Variants in EEFSEC observed in about 807,000 individuals in gnomAD.
The protein encoded by EEFSEC is eukaryotic elongation factor, selenocysteine-tRNA specific.
Under a neutral mutation model 42.1 loss-of-function variants are expected in EEFSEC, and 43 were observed. The observed-to-expected ratio is 1.02, with a 90% CI of 0.80 to 1.32. The LOEUF (loss-of-function observed/expected upper bound fraction) is 1.32, where lower values mean the gene tolerates loss of function less well. Among genes scored for constraint, EEFSEC ranks in the 40% most tolerant of loss-of-function variants. The pLI, the probability that EEFSEC is intolerant of heterozygous loss-of-function variation, is 0.00. For missense variants in EEFSEC, 745 were observed against 803.6 expected (o/e 0.93, Z 0.88); for synonymous variants, 354 against 339.1 (o/e 1.04, Z -0.48).
rs1414187311 is a variant in EEFSEC, at chr3:128,307,055, A to G, written c.787-34178A>G. On this transcript the variant is annotated intron_variant, in intron 4 of 6. Coordinates refer to ENST00000254730, the MANE Select transcript of EEFSEC (RefSeq NM_021937.5). ...CCAGACTGCAGGGGGCTCAAGGGTC[A>G]GGCTAGCAGTCTTCTCACCAGTACG... 2.6e-5 allele frequency among the ~76,000 whole-genome samples: 4 copies of G among 152,256 alleles called. No individual in the cohort carries two copies. The East Asian group carries it at 7.7e-4, about 29-fold the overall frequency.
chr3:128,324,934 A>G (rs1399865862), intron 4 of EEFSEC, among the ~76,000 whole-genome samples: 1 of 152,208 alleles, frequency 6.6e-6, no homozygotes, highest in Non-Finnish European at 1.5e-5. Context: ...CAGACCTCAA[A>G]CTCAAGGCTG....
Position 128,394,890 on chromosome 3 carries a change from G to A in EEFSEC, c.1601-13179G>A, listed in dbSNP as rs1042066889. On this transcript the variant is annotated intron_variant, in intron 6 of 6. Transcript: ENST00000254730. ...TGTGGTCAGAAGGGCATCCTGGCCC[G>A]GCCTCTGCACCCTTGGTTGAAGCAA... Among the ~76,000 whole-genome samples the A allele has an allele frequency of 3.3e-5, 5 of 152,190 alleles. 1 individual carries two copies. The highest frequency in any genetic ancestry group is 4.1e-4 in the South Asian group (2 of 4,824).
intron 6 of EEFSEC, among the ~76,000 whole-genome samples, chr3:128,393,693 G>GT (rs2067944249): frequency 6.6e-6 from 1 of 152,268 alleles, no homozygotes; most frequent in South Asian, 2.1e-4. Flanking sequence ...CACTAGACAA[G>GT]GCCCTCTAGC....
intron 6 of EEFSEC, among the ~76,000 whole-genome samples, chr3:128,377,129 G>A (rs1200777971): frequency 6.6e-6 from 1 of 152,100 alleles, no homozygotes; most frequent in Non-Finnish European, 1.5e-5. Flanking sequence ...GTCTCCCATA[G>A]TCCCATTATT....
chr3:128,176,776 T>C lies in EEFSEC; in HGVS notation c.316+22953T>C, dbSNP rs368075118. Among the ~76,000 whole-genome samples, 31 of 152,266 alleles carry C rather than the reference T, an allele frequency of 2.0e-4. 2 individuals carry two copies. Among genetic ancestry groups the C allele is most frequent in the East Asian group, 1.3e-3 (7 of 5,192 alleles). Reference sequence around the variant, plus strand: ...TTCTCTGGGCCTCAACTTCCTTGTTTGCAAGATCAGAAAGAACTATTTTAA... The same window carrying C: ...TTCTCTGGGCCTCAACTTCCTTGTTCGCAAGATCAGAAAGAACTATTTTAA... On this transcript the variant is annotated intron_variant, in intron 1 of 6. Transcript: ENST00000254730.
intron 4 of EEFSEC, among the ~76,000 whole-genome samples, chr3:128,295,228 T>G (rs942111108): frequency 6.6e-6 from 1 of 152,204 alleles, no homozygotes; most frequent in Admixed American, 6.5e-5. Context: ...GCCCTGCCTT[T>G]GGTGGTGTCC....
intron 1 of EEFSEC, among the ~76,000 whole-genome samples, chr3:128,239,306 G>T (rs1305704095): frequency 1.3e-5 from 2 of 152,338 alleles, no homozygotes; most frequent in Admixed American, 6.5e-5. Flanking sequence ...GAAGGAGGAG[G>T]CCAGTTCTTG....
chr3:128,383,752 G>A (rs59723466), intron 6 of EEFSEC, among the ~76,000 whole-genome samples: 10,816 of 152,318 alleles, frequency 0.071, 794 homozygotes, highest in African/African-American at 0.19. Flanking sequence ...TGGGACAGGA[G>A]GGGCTCAGAC....
Position 128,317,966 on chromosome 3 carries a change from C to T in EEFSEC, c.787-23267C>T, listed in dbSNP as rs908450921. Among the ~76,000 whole-genome samples, 7 of 152,226 alleles carry T rather than the reference C, an allele frequency of 4.6e-5. No individual in the cohort carries two copies. Among genetic ancestry groups the T allele is most frequent in the African/African-American group, 1.7e-4 (7 of 41,462 alleles). ...GCCCTTGCCATGTGGGCCATGGGAACTGGTTGTTAGGTGACTGTGCACTCC... is the reference window on the plus strand; with the variant it reads ...GCCCTTGCCATGTGGGCCATGGGAATTGGTTGTTAGGTGACTGTGCACTCC... On this transcript the variant is annotated intron_variant, in intron 4 of 6. Coordinates refer to ENST00000254730, the MANE Select transcript of EEFSEC (RefSeq NM_021937.5). This position sits in a 1 kb window ranked among gnomAD's most constrained non-coding sequence, Gnocchi z 4.1.
intron 4 of EEFSEC, among the ~76,000 whole-genome samples, chr3:128,316,253 G>A (rs2066943453): frequency 6.6e-6 from 1 of 152,186 alleles, no homozygotes; most frequent in South Asian, 2.1e-4. Flanking sequence ...GAGAAAGCCA[G>A]TGTTAAGAGC....
At chr3:128,185,320 T>G (rs1304219475) in intron 1 of EEFSEC, among the ~76,000 whole-genome samples, 1 of 147,824 alleles carries the variant, frequency 6.8e-6, no homozygotes, top group African/African-American at 2.4e-5. Flanking sequence ...TAACTTAATA[T>G]TATGAAGCAC....
chr3:128,170,256 T>C (rs1459293802), intron 1 of EEFSEC, among the ~76,000 whole-genome samples: 1 of 152,166 alleles, frequency 6.6e-6, no homozygotes, highest in African/African-American at 2.4e-5. Flanking sequence ...GGAACAGTAG[T>C]TTACATCCTT....
chr3:128,310,160 T>C (rs1559914004), intron 4 of EEFSEC, among the ~76,000 whole-genome samples: 1 of 152,192 alleles, frequency 6.6e-6, no homozygotes, highest in Non-Finnish European at 1.5e-5. Context: ...TTTTAGACCA[T>C]CTGAGGCACT....
rs552543362 is a variant in EEFSEC at position 128,383,912 on chromosome 3, A to C, written c.1601-24157A>C. On this transcript the variant is annotated intron_variant, in intron 6 of 6. Transcript: ENST00000254730. ...CCACGCCAGCCCACTGTGGCAGGGT[A>C]GGAATCCAAAGAGAAGTCTTCTAGC... Among the ~76,000 whole-genome samples the C allele has an allele frequency of 2.6e-5, 4 of 152,368 alleles. No individual in the cohort carries two copies. The South Asian group carries it at 8.3e-4, about 32-fold the overall frequency.
At chr3:128,386,858 G>A (rs927874019) in intron 6 of EEFSEC, among the ~76,000 whole-genome samples, 1 of 152,208 alleles carries the variant, frequency 6.6e-6, no homozygotes, top group African/African-American at 2.4e-5. Context: ...AGCCACTCAT[G>A]AGGGATCCGT....
In EEFSEC at chr3:128,402,683, G is replaced by A. The variant is rs114503579; in HGVS notation, c.1601-5386G>A. Among the ~76,000 whole-genome samples, 532 of 152,316 alleles carry A rather than the reference G, an allele frequency of 3.5e-3. 1 individual carries two copies. The highest frequency in any genetic ancestry group is 0.012 in the African/African-American group (488 of 41,568). On this transcript the variant is annotated intron_variant, in intron 6 of 6. Coordinates refer to ENST00000254730, the MANE Select transcript of EEFSEC (RefSeq NM_021937.5). ...GTATCTCAGACCACTTGTTTGGACCGAATTCCTAGAAGTGCCTTTCTTAGT... is the reference window on the plus strand; with the variant it reads ...GTATCTCAGACCACTTGTTTGGACCAAATTCCTAGAAGTGCCTTTCTTAGT...
At chr3:128,202,245 T>C (rs951442036) in intron 1 of EEFSEC, among the ~76,000 whole-genome samples, 1 of 152,214 alleles carries the variant, frequency 6.6e-6, no homozygotes, top group Non-Finnish European at 1.5e-5. Context: ...GGATTATGAT[T>C]GGGATTACAT....
intron 6 of EEFSEC, among the ~76,000 whole-genome samples, chr3:128,395,020 C>A (rs996760774): frequency 3.3e-5 from 5 of 152,200 alleles, no homozygotes; most frequent in Admixed American, 2.0e-4. Context: ...CTGCATGCAG[C>A]GTTGGTCTCC....
At chr3:128,370,003 C>G (rs1248860927) in intron 6 of EEFSEC, among the ~76,000 whole-genome samples, 1 of 152,202 alleles carries the variant, frequency 6.6e-6, no homozygotes, top group Non-Finnish European at 1.5e-5. Context: ...TCAGATTCCC[C>G]AACTGTCGCA....
Sources: gnomAD v4.1 joint callset for allele counts (sites outside exome capture counted in the v4.1 genomes callset) on GRCh38, gnomAD v4.1.1 for gene constraint, Gnocchi (gnomAD v3.1) non-coding constraint, MANE v1.5 for transcripts, NCBI Gene and HGNC (gene_info 2026-07-23, HGNC 2026-07-21) for gene names.